TMEM17: variants seen among roughly 807,000 people sequenced by gnomAD.
The protein encoded by TMEM17 is transmembrane protein 17.
TMEM17 carries 15 observed loss-of-function variants against 19.1 expected under a neutral mutation model. That is an observed-to-expected ratio of 0.78 (90% CI 0.52 to 1.21). The LOEUF is 1.21. TMEM17 is among the 50% of genes most tolerant of loss of function. TMEM17 has a pLI of 0.00. For missense variants in TMEM17, 245 were observed against 242.3 expected (o/e 1.01, Z -0.07); for synonymous variants, 103 against 86.9 (o/e 1.19, Z -1.03).
the TMEM17 span, among the ~76,000 whole-genome samples, chr2:62,481,295 C>T: frequency 1.7e-3 from 259 of 152,190 alleles, 1 homozygote; most frequent in Middle Eastern, 0.02. Context: ...ATTTTGTGCC[C>T]TGCAACTTTA....
chr2:62,465,583 A>T, the TMEM17 span, among the ~76,000 whole-genome samples: 1 of 148,976 alleles, frequency 6.7e-6, no homozygotes, highest in Non-Finnish European at 1.5e-5. Context: ...GCATAGTGAG[A>T]CCTTGTCTAT....
At chr2:62,492,657 A>G in the TMEM17 span, among the ~76,000 whole-genome samples, 1 of 152,252 alleles carries the variant, frequency 6.6e-6, no homozygotes, top group African/African-American at 2.4e-5. Flanking sequence ...CATTCAGTCA[A>G]CATTACTAAG....
chr2:62,457,655 G>C, the TMEM17 span, among the ~76,000 whole-genome samples: 77,131 of 151,782 alleles, frequency 0.51, 19,979 homozygotes, highest in East Asian at 0.7. This position sits in a 1 kb window ranked among gnomAD's most constrained non-coding sequence, Gnocchi z 4.2. Flanking sequence ...GGTGCAGAGG[G>C]CTGAGCCAGG....
chr2:62,454,970 G>A, the TMEM17 span, among the ~76,000 whole-genome samples: 1 of 152,200 alleles, frequency 6.6e-6, no homozygotes, highest in East Asian at 1.9e-4. Flanking sequence ...CTTCCAAAGT[G>A]CTGGGATTAC....
At chr2:62,459,690 A>G in the TMEM17 span, among the ~76,000 whole-genome samples, 1 of 152,292 alleles carries the variant, frequency 6.6e-6, no homozygotes, top group African/African-American at 2.4e-5. Flanking sequence ...GAGAATGCAT[A>G]CAATCAACCC....
intron 3 of TMEM17, 116 bp from the exon 4 acceptor site, chr2:62,501,603 C>T: frequency 1.9e-6 from 2 of 1,030,036 alleles, no homozygotes; most frequent in Non-Finnish European, 1.4e-6. Context: ...GTGAGTGATT[C>T]CAAAGGAGGA....
In TMEM17 at chr2:62,501,498, A is replaced by G; in HGVS notation, c.319-11T>C. ...AGCCAACTCAGGAACCTGCAATGAC[A>G]CATATCAAGAGTAATAAAAATCAGT... On this transcript the variant is annotated splice_polypyrimidine_tract_variant and intron_variant, in intron 3 of 3. Coordinates refer to ENST00000335390, the MANE Select transcript of TMEM17 (RefSeq NM_198276.3). 3 of 1,605,524 alleles carry G rather than the reference A, an allele frequency of 1.9e-6. No individual in the cohort carries two copies. The South Asian group carries it at 3.3e-5, about 18-fold the overall frequency.
At chr2:62,473,808 G>C in the TMEM17 span, among the ~76,000 whole-genome samples, 64 of 152,334 alleles carry the variant, frequency 4.2e-4, no homozygotes, top group Non-Finnish European at 8.2e-4. Context: ...GATCACAGAG[G>C]GATGCTGGAC....
chr2:62,499,557 T>C (rs1215598086), downstream of TMEM17, among the ~76,000 whole-genome samples: 2 of 152,068 alleles, frequency 1.3e-5, no homozygotes, highest in African/African-American at 4.8e-5. Flanking sequence ...TTATATATAA[T>C]CATAAAGAGC....
At chr2:62,460,864 C>T in the TMEM17 span, among the ~76,000 whole-genome samples, 15 of 152,164 alleles carry the variant, frequency 9.9e-5, no homozygotes, top group Admixed American at 7.2e-4. Flanking sequence ...CCAGGCACTC[C>T]GGAGAACAAA....
the TMEM17 span, among the ~76,000 whole-genome samples, chr2:62,477,180 T>A: frequency 6.6e-6 from 1 of 152,190 alleles, no homozygotes; most frequent in Non-Finnish European, 1.5e-5. Context: ...GAAGATCACC[T>A]GAGGTCGGGA....
chr2:62,506,185 C>G lies in TMEM17; in HGVS notation c.-56G>C, dbSNP rs1333809928. 2 of 1,481,020 alleles carry G rather than the reference C, an allele frequency of 1.4e-6. No individual in the cohort carries two copies. Among genetic ancestry groups the G allele is most frequent in the East Asian group, 2.7e-5 (1 of 37,180 alleles). 91.7% of individuals were successfully genotyped at this position (1,481,020 alleles called of 1,614,324 possible). ...GACACGGGCTAGTCTGCGGGCGCTC[C>G]GAGGCTCCGTGGTTCCCACGGCAAC... is the stretch of plus-strand genomic sequence containing the variant. On this transcript the variant is annotated 5_prime_UTR_variant, in exon 1 of 4. Coordinates refer to ENST00000335390, the MANE Select transcript of TMEM17 (RefSeq NM_198276.3).
the TMEM17 span, among the ~76,000 whole-genome samples, chr2:62,481,039 T>A: frequency 6.6e-6 from 1 of 152,158 alleles, no homozygotes; most frequent in African/African-American, 2.4e-5. Context: ...AATTCCAATA[T>A]TCTTCTAAAC....
At chr2:62,498,827 G>C (rs923152782), downstream of TMEM17, among the ~76,000 whole-genome samples, 1 of 152,066 alleles carries the variant, frequency 6.6e-6, no homozygotes, top group African/African-American at 2.4e-5. Context: ...AAAATTTTCA[G>C]TACAGTGTTG....
At chr2:62,481,254 A>G in the TMEM17 span, among the ~76,000 whole-genome samples, 1 of 152,046 alleles carries the variant, frequency 6.6e-6, no homozygotes, top group Non-Finnish European at 1.5e-5. Context: ...TGTTCATTGC[A>G]TATAGAAACA....
At chr2:62,467,140 C>T in the TMEM17 span, among the ~76,000 whole-genome samples, 1 of 151,848 alleles carries the variant, frequency 6.6e-6, no homozygotes, top group East Asian at 1.9e-4. Context: ...CCCCAATTTA[C>T]GTATTATCCC....
At chr2:62,463,410 T>A in the TMEM17 span, 7 of 152,278 alleles carry the variant, frequency 4.6e-5, no homozygotes. Context: ...AGACCAACAT[T>A]ATAGTAATAA....
the TMEM17 span, among the ~76,000 whole-genome samples, chr2:62,482,330 G>A: frequency 3.9e-5 from 6 of 152,216 alleles, no homozygotes; most frequent in Non-Finnish European, 7.3e-5. Flanking sequence ...CATTTGAGCA[G>A]TGTTCCAGAT....
At chr2:62,456,950 T>G in the TMEM17 span, among the ~76,000 whole-genome samples, 1 of 152,228 alleles carries the variant, frequency 6.6e-6, no homozygotes, top group Non-Finnish European at 1.5e-5. Flanking sequence ...CTCCCGTCCT[T>G]GCCTTCTCCC....
Sources: allele counts gnomAD v4.1 joint callset (sites outside exome capture counted in the v4.1 genomes callset), GRCh38; gene constraint gnomAD v4.1.1; non-coding constraint Gnocchi (gnomAD v3.1); transcripts MANE v1.5; gene names NCBI Gene and HGNC (gene_info 2026-07-23, HGNC 2026-07-21).